Variants in SPEG observed in about 807,000 individuals in gnomAD.
SPEG encodes striated muscle preferentially expressed protein kinase.
Under a neutral mutation model 300.4 loss-of-function variants are expected in SPEG, and 114 were observed. That is an observed-to-expected ratio of 0.38 (90% CI 0.33 to 0.44). SPEG has a LOEUF of 0.44. Ranked by LOEUF, SPEG falls within the 20% of genes least tolerant of loss-of-function variation. The pLI, the probability that SPEG is intolerant of heterozygous loss-of-function variation, is 1.00. For synonymous variants in SPEG, 1,964 were observed against 2,018.9 expected (o/e 0.97, Z 0.73); for missense variants, 4,201 against 4,586.2 (o/e 0.92, Z 2.43).
chr2:219,462,250 C>A, intron 7 of SPEG, 48 bp from the exon 8 acceptor site: 1 of 1,491,270 alleles, frequency 6.7e-7, no homozygotes, highest in Non-Finnish European at 9.1e-7. Flanking sequence ...CCCCAGGACC[C>A]AAGGCTCTGC....
chr2:219,492,487 A>G (rs1300255519), intron 40 of SPEG, 107 bp from the exon 41 acceptor site: 21 of 1,264,792 alleles, frequency 1.7e-5, no homozygotes, highest in Non-Finnish European at 2.1e-5. Flanking sequence ...AAGATCACAC[A>G]TGTAGGGGTG....
At position 219,488,494 on chromosome 2, in the gene SPEG, C is replaced by T. The variant is rs1426637669; in HGVS notation, c.7859-4C>T. The T allele has an allele frequency of 6.4e-7, 1 of 1,562,026 alleles. No individual in the cohort carries two copies. The highest frequency in any genetic ancestry group is 1.2e-5 in the South Asian group (1 of 83,416). Reference sequence around the variant, plus strand: ...CAGCAACTCCTGCTCCTCCCTGTCCCCAGACAAGAAGTCCTTGAGGTCAGA... The same window carrying T: ...CAGCAACTCCTGCTCCTCCCTGTCCTCAGACAAGAAGTCCTTGAGGTCAGA... On this transcript the variant is annotated splice_region_variant and splice_polypyrimidine_tract_variant and intron_variant, in intron 32 of 40. Coordinates refer to ENST00000312358, the MANE Select transcript of SPEG (RefSeq NM_005876.5).
At position 219,473,964 on chromosome 2, in the gene SPEG, C is replaced by T. The variant is rs1040230064; in HGVS notation, c.4447+61C>T. 1 of 1,527,364 alleles carries T rather than the reference C, an allele frequency of 6.5e-7. No individual in the cohort carries two copies. 94.6% of individuals were successfully genotyped at this position (1,527,364 alleles called of 1,614,324 possible). ...CAAGGCCCAAAGCTCTCTACTCACACCCCCAGGTACACAACCTGCCTGACA... is the reference window on the plus strand; with the variant it reads ...CAAGGCCCAAAGCTCTCTACTCACATCCCCAGGTACACAACCTGCCTGACA... On this transcript the variant is annotated intron_variant, in intron 18 of 40. Transcript: ENST00000312358. The surrounding 1 kb of genome is among the most constrained non-coding windows in gnomAD (Gnocchi z 4.6).
In SPEG at chr2:219,489,681, C is replaced by T. The variant is rs1559433489; in HGVS notation, c.8663C>T (p.Pro2888Leu). 3.1e-6 allele frequency: 5 copies of T among 1,614,170 alleles called. No homozygotes were observed. Among genetic ancestry groups the T allele is most frequent in the South Asian group, 1.1e-5 (1 of 91,078 alleles). Residue 2888 changes from proline (P) to leucine (L), a missense_variant, in exon 36 of 41, where the codon CCT (proline) becomes CTT (leucine). Physicochemically the swap from Pro to Leu is moderately conservative, Grantham distance 98. This residue lies in a region of SPEG where 1,578 missense variants were observed against 1,506.0 expected (regional missense o/e 1.05). Transcript: ENST00000312358. Reference sequence around the variant, plus strand: ...GGGACCCCGATCCCAGCCTCCACTCCTCAAGGGGTTAAACCAGTGTCTTCC... The same window carrying T: ...GGGACCCCGATCCCAGCCTCCACTCTTCAAGGGGTTAAACCAGTGTCTTCC... Reference protein sequence around the residue: ...DTGTPIPASTPQGVKPVSSST... With the variant: ...DTGTPIPASTLQGVKPVSSST...
chr2:219,440,565 ATTT>A (rs1954835096), intron 1 of SPEG, among the ~76,000 whole-genome samples: 2 of 29,504 alleles, frequency 6.8e-5, no homozygotes, highest in Non-Finnish European at 2.0e-4. Flanking sequence ...ATTTTATTTT[ATTT>A]ATTTATTTAT....
intron 6 of SPEG, among the ~76,000 whole-genome samples, chr2:219,457,283 G>A (rs149088867): frequency 5.6e-4 from 85 of 152,220 alleles, no homozygotes; most frequent in Middle Eastern, 3.4e-3. Flanking sequence ...GAATCATAAG[G>A]AGGAAAAACC....
At chr2:219,460,964 G>A in intron 6 of SPEG, 1 of 985,864 alleles carries the variant, frequency 1.0e-6, no homozygotes, top group Non-Finnish European at 1.2e-6. Flanking sequence ...TTCAGGACAG[G>A]CACAGGCTGG....
intron 4 of SPEG, 193 bp from the exon 5 acceptor site, chr2:219,450,943 A>C (rs1575065138): frequency 3.5e-6 from 2 of 571,892 alleles, no homozygotes; most frequent in East Asian, 6.1e-5. Context: ...CTGTTTCGAG[A>C]ATGCTCCTTC....
chr2:219,488,721 TGAG>T, intron 33 of SPEG, 54 bp from the exon 34 acceptor site: 1 of 1,610,962 alleles, frequency 6.2e-7, no homozygotes, highest in Non-Finnish European at 8.5e-7. Context: ...GGACAGGGCT[TGAG>T]GGGTTCTTAG....
intron 38 of SPEG, 126 bp from the exon 39 acceptor site, chr2:219,491,668 C>T: frequency 6.6e-6 from 5 of 759,146 alleles, no homozygotes; most frequent in South Asian, 6.1e-5. Flanking sequence ...GGGCCTGCCA[C>T]TCTGGACATT....
At chr2:219,472,068 C>A in intron 14 of SPEG, 81 bp downstream of exon 14, 1 of 1,567,066 alleles carries the variant, frequency 6.4e-7, no homozygotes, top group Non-Finnish European at 8.7e-7. Context: ...AAGGGGCCTC[C>A]ACCCAGCTCC....
Position 219,477,213 on chromosome 2 carries a change from A to AG in SPEG, c.4561-62dup, listed in dbSNP as rs77858465. On this transcript the variant is annotated intron_variant, in intron 19 of 40. Transcript: ENST00000312358. The surrounding 1 kb of genome is among the most constrained non-coding windows in gnomAD (Gnocchi z 6.4). ...GATGCGCTGCCCAGAGTAGGAGATG[A>AG]GGCCCTGGCCCCAAGGTAGAGATGA... 1,005,547 of 1,424,602 alleles carry AG rather than the reference A, an allele frequency of 0.71. 365,814 individuals are homozygous for AG. The highest frequency in any genetic ancestry group is 0.76 in the East Asian group (32,895 of 43,328). 88.2% of individuals were successfully genotyped at this position (1,424,602 alleles called of 1,614,324 possible). A position where few individuals can be genotyped will look rare whatever the true frequency, so the allele number is the denominator to read the frequency against.
At position 219,444,793 on chromosome 2, in the gene SPEG, G is replaced by T. The variant is rs763743326; in HGVS notation, c.479-32G>T. 6.2e-7 allele frequency: 1 copy of T among 1,610,904 alleles called. No individual in the cohort carries two copies. Among genetic ancestry groups the T allele is most frequent in the East Asian group, 2.2e-5 (1 of 44,816 alleles). On this transcript the variant is annotated intron_variant, in intron 2 of 40. Coordinates refer to ENST00000312358, the MANE Select transcript of SPEG (RefSeq NM_005876.5). This position sits in a 1 kb window ranked among gnomAD's most constrained non-coding sequence, Gnocchi z 7.8. ...CAGGCAGGCGGGTTTTCCATAAGGG[G>T]TGCCTCAGTCTCACGGTGCTCCTTT...
intron 38 of SPEG, 49 bp from the exon 39 acceptor site, chr2:219,491,745 T>A (rs1184681081): frequency 9.7e-6 from 15 of 1,541,024 alleles, no homozygotes; most frequent in Non-Finnish European, 1.2e-5. Context: ...CCGCCCCCAC[T>A]TCCCTGCCAC....
rs762389619 is a variant in SPEG at position 219,473,907 on chromosome 2, G to C, written c.4447+4G>C. On this transcript the variant is annotated splice_donor_region_variant and intron_variant, in intron 18 of 40. Transcript: ENST00000312358. The surrounding 1 kb of genome is among the most constrained non-coding windows in gnomAD (Gnocchi z 4.6). ...TCGGTCACATTGGAGCTGGCAGGTG[G>C]GTGACAGCGGGCCTTCTTCCTAGCC... 2.5e-6 allele frequency: 4 copies of C among 1,601,260 alleles called. No individual in the cohort carries two copies. Among genetic ancestry groups the C allele is most frequent in the Non-Finnish European group, 3.4e-6 (4 of 1,172,852 alleles).
chr2:219,457,722 G>A (rs984115055), intron 6 of SPEG, among the ~76,000 whole-genome samples: 1 of 152,202 alleles, frequency 6.6e-6, no homozygotes, highest in Non-Finnish European at 1.5e-5. Flanking sequence ...GCTGGCCCTC[G>A]GGTGGCAGTG....
rs749605821 is a variant in SPEG, at chr2:219,477,233, A to T, written c.4561-44A>T. ...AGATGAGGCCCTGGCCCCAAGGTAG[A>T]GATGAGGCCAGGCCCAGGCTGAAGG... On this transcript the variant is annotated intron_variant, in intron 19 of 40. Coordinates refer to ENST00000312358, the MANE Select transcript of SPEG (RefSeq NM_005876.5). The surrounding 1 kb of genome is among the most constrained non-coding windows in gnomAD (Gnocchi z 6.4). The T allele has an allele frequency of 6.4e-5, 43 of 667,348 alleles. No homozygotes were observed. In the East Asian group the frequency reaches 2.1e-3, roughly 33 times the overall value. 41.3% of individuals were successfully genotyped at this position (667,348 alleles called of 1,614,324 possible).
chr2:219,473,410 G>C lies in SPEG; in HGVS notation c.4148-94G>C. 8.0e-7 allele frequency: 1 copy of C among 1,250,440 alleles called. No individual in the cohort carries two copies. Among genetic ancestry groups the C allele is most frequent in the Non-Finnish European group, 1.1e-6 (1 of 869,930 alleles). 77.5% of individuals were successfully genotyped at this position (1,250,440 alleles called of 1,614,324 possible). Reference sequence around the variant, plus strand: ...TTCAGCTTTCCCATCTGTAAAAACGGAACTCAAGTGTTGATGAGGGGTGTT... The same window carrying C: ...TTCAGCTTTCCCATCTGTAAAAACGCAACTCAAGTGTTGATGAGGGGTGTT... On this transcript the variant is annotated intron_variant, in intron 16 of 40. Transcript: ENST00000312358. This position sits in a 1 kb window ranked among gnomAD's most constrained non-coding sequence, Gnocchi z 4.6.
At chr2:219,460,058 C>T (rs1417427940) in intron 6 of SPEG, among the ~76,000 whole-genome samples, 1 of 152,234 alleles carries the variant, frequency 6.6e-6, no homozygotes, top group Non-Finnish European at 1.5e-5. Context: ...TGATAAGGGG[C>T]CATTTGGGGG....
Sources: allele counts gnomAD v4.1 joint callset (sites outside exome capture counted in the v4.1 genomes callset), GRCh38; gene constraint gnomAD v4.1.1; regional missense constraint gnomAD v4.1.1; non-coding constraint Gnocchi (gnomAD v3.1); transcripts MANE v1.5; gene names NCBI Gene and HGNC (gene_info 2026-07-23, HGNC 2026-07-21).